The following MREG variants were observed in gnomAD, a reference collection of about 807,000 sequenced individuals.
The protein encoded by MREG is dilute suppressor protein homolog.
MREG carries 31 observed loss-of-function variants against 28.5 expected under a neutral mutation model. The ratio of observed to expected loss-of-function variants is 1.09; its 90% CI spans 0.82 to 1.47. MREG has a LOEUF of 1.47. MREG is among the 40% of genes most tolerant of loss of function. The pLI is 0.00. For synonymous variants in MREG, 106 were observed against 95.2 expected (o/e 1.11, Z -0.66); for missense variants, 256 against 257.4 (o/e 0.99, Z 0.04).
downstream of MREG, among the ~76,000 whole-genome samples, chr2:215,939,878 G>A (rs1329246420): frequency 1.3e-5 from 2 of 151,306 alleles, no homozygotes; most frequent in Non-Finnish European, 2.9e-5. Flanking sequence ...GTTTAAAAAT[G>A]TTTAAAATAA....
At chr2:215,979,981 A>AC (rs61331204) in intron 2 of MREG, among the ~76,000 whole-genome samples, 2,921 of 140,022 alleles carry the variant, frequency 0.021, 53 homozygotes, top group African/African-American at 0.054. Flanking sequence ...AAACAAACAA[A>AC]AAAAAAAAAC....
chr2:215,969,067 T>A lies in MREG; in HGVS notation c.256-21954A>T, dbSNP rs569914747. On this transcript the variant is annotated intron_variant, in intron 2 of 4. Transcript: ENST00000263268. The stretch of plus-strand genomic sequence containing the variant: ...AGCCACTGCACCTGGCATTGTCTGA[T>A]AAGAATTTAATGTGTTATTCTTCCC... Among the ~76,000 whole-genome samples the A allele has an allele frequency of 1.1e-4, 17 of 152,308 alleles. No individual in the cohort carries two copies. The East Asian group carries it at 2.9e-3, about 26-fold the overall frequency.
At chr2:215,969,492 G>A (rs1693031132) in intron 2 of MREG, among the ~76,000 whole-genome samples, 1 of 152,194 alleles carries the variant, frequency 6.6e-6, no homozygotes, top group South Asian at 2.1e-4. Context: ...TCCTGGATCA[G>A]CATTTTTATG....
At chr2:215,978,266 T>C (rs1318236675) in intron 2 of MREG, among the ~76,000 whole-genome samples, 1 of 152,076 alleles carries the variant, frequency 6.6e-6, no homozygotes, top group Non-Finnish European at 1.5e-5. Flanking sequence ...TCTATGCAAA[T>C]AAACTAGAAA....
intron 2 of MREG, among the ~76,000 whole-genome samples, chr2:215,954,562 G>A (rs200270876): frequency 8.6e-5 from 13 of 151,092 alleles, no homozygotes; most frequent in East Asian, 1.9e-4. Flanking sequence ...ATGCCCAACC[G>A]CAAACAGCAG....
At chr2:215,983,945 T>G (rs1175478157) in intron 2 of MREG, among the ~76,000 whole-genome samples, 1 of 152,228 alleles carries the variant, frequency 6.6e-6, no homozygotes, top group Non-Finnish European at 1.5e-5. Context: ...AAACAGTACT[T>G]GAAAGAGTTT....
intron 2 of MREG, among the ~76,000 whole-genome samples, chr2:215,951,332 T>C (rs774056614): frequency 6.6e-6 from 1 of 152,240 alleles, no homozygotes; most frequent in Non-Finnish European, 1.5e-5. Context: ...AGTCTTCCGA[T>C]GTCCCTCTCC....
At chr2:216,007,075 C>G (rs1559196576) in intron 1 of MREG, among the ~76,000 whole-genome samples, 1 of 152,206 alleles carries the variant, frequency 6.6e-6, no homozygotes. Flanking sequence ...CCAGTTCGAC[C>G]ACGTGTGCCT....
intron 1 of MREG, among the ~76,000 whole-genome samples, chr2:216,030,810 G>T (rs1694669504): frequency 6.7e-6 from 1 of 150,036 alleles, no homozygotes; most frequent in African/African-American, 2.5e-5. Context: ...TGATCTGCCT[G>T]CCTTGGCCTT....
At chr2:215,954,620 ACT>A (rs1254671031) in intron 2 of MREG, among the ~76,000 whole-genome samples, 3 of 151,912 alleles carry the variant, frequency 2.0e-5, no homozygotes, top group African/African-American at 7.3e-5. Flanking sequence ...AAGCCCACAG[ACT>A]CTATAAAAAA....
At chr2:215,993,983 C>T (rs1693790008) in intron 2 of MREG, among the ~76,000 whole-genome samples, 2 of 149,894 alleles carry the variant, frequency 1.3e-5, no homozygotes, top group South Asian at 4.1e-4. Flanking sequence ...ATTAGTTCAA[C>T]CATTGTGGAA....
chr2:215,949,833 G>T (rs1172137884), intron 2 of MREG, among the ~76,000 whole-genome samples: 1 of 152,046 alleles, frequency 6.6e-6, no homozygotes, highest in Non-Finnish European at 1.5e-5. Context: ...AAGCATTTTT[G>T]AATTACTTCA....
chr2:215,996,483 G>T lies in MREG; in HGVS notation c.96-18C>A. 1 of 1,594,604 alleles carries T rather than the reference G, an allele frequency of 6.3e-7. No individual in the cohort carries two copies. Among genetic ancestry groups the T allele is most frequent in the African/African-American group, 1.4e-5 (1 of 74,058 alleles). On this transcript the variant is annotated intron_variant, in intron 1 of 4. Transcript: ENST00000263268. Reference sequence around the variant, plus strand: ...TGTTATCACTGTTGTATAAAAAAAGGAAAGATTGGGGTTTTATAATATACA... The same window carrying T: ...TGTTATCACTGTTGTATAAAAAAAGTAAAGATTGGGGTTTTATAATATACA...
At chr2:215,955,997 A>C (rs1692618310) in intron 2 of MREG, among the ~76,000 whole-genome samples, 1 of 152,222 alleles carries the variant, frequency 6.6e-6, no homozygotes, top group Admixed American at 6.5e-5. Context: ...GACTCGATGA[A>C]GTCAAAGATC....
At chr2:215,973,399 A>G (rs148262238) in intron 2 of MREG, among the ~76,000 whole-genome samples, 40 of 152,302 alleles carry the variant, frequency 2.6e-4, no homozygotes, top group African/African-American at 7.2e-4. Flanking sequence ...GCATTTTTGA[A>G]TTTATTTTTG....
intron 2 of MREG, among the ~76,000 whole-genome samples, chr2:215,973,141 TAAAAGGAG>T (rs1693149878): frequency 1.3e-5 from 2 of 151,970 alleles, no homozygotes; most frequent in Non-Finnish European, 2.9e-5. Context: ...CTTCGAGAGT[TAAAAGGAG>T]AGCCCAGGAC....
upstream of MREG, among the ~76,000 whole-genome samples, chr2:216,018,179 T>C (rs1398938716): frequency 4.0e-5 from 6 of 151,744 alleles, 1 homozygote; most frequent in Admixed American, 3.9e-4. Context: ...AAAATTAAGC[T>C]CCAATGCCAC....
At position 215,947,130 on chromosome 2, in the gene MREG, G is replaced by C. The variant is rs1692345326; in HGVS notation, c.256-17C>G. ...CTGCCACTCCTGCAGGAAAATAAAA[G>C]TTTAGTTTTATTTATACCCCTTGGC... On this transcript the variant is annotated splice_polypyrimidine_tract_variant and intron_variant, in intron 2 of 4. Coordinates refer to ENST00000263268, the MANE Select transcript of MREG (RefSeq NM_018000.3). 1.9e-6 allele frequency: 3 copies of C among 1,572,754 alleles called. No individual in the cohort carries two copies. The highest frequency in any genetic ancestry group is 2.6e-6 in the Non-Finnish European group (3 of 1,145,940).
intron 2 of MREG, among the ~76,000 whole-genome samples, chr2:215,984,108 G>A (rs964320875): frequency 6.6e-6 from 1 of 152,190 alleles, no homozygotes; most frequent in Non-Finnish European, 1.5e-5. Flanking sequence ...AGAAGGCAAG[G>A]AGGAGCAAGT....
Sources: allele counts gnomAD v4.1 joint callset (sites outside exome capture counted in the v4.1 genomes callset), GRCh38; gene constraint gnomAD v4.1.1; transcripts MANE v1.5; gene names NCBI Gene and HGNC (gene_info 2026-07-23, HGNC 2026-07-21).